The following SEMA6D variants were observed in gnomAD, a reference collection of about 807,000 sequenced individuals.
SEMA6D encodes the protein semaphorin-6D.
SEMA6D carries 35 observed loss-of-function variants against 106.6 expected under a neutral mutation model. The ratio of observed to expected loss-of-function variants is 0.33; its 90% confidence interval spans 0.25 to 0.44. The LOEUF (loss-of-function observed/expected upper bound fraction) is 0.44. Among genes scored for constraint, SEMA6D ranks in the 20% least tolerant of loss-of-function variants. The pLI is 1.00. For synonymous variants in SEMA6D, 499 were observed against 487.7 expected, an observed-to-expected ratio of 1.02 and a Z score of -0.31; for missense variants, 1,185 against 1,345.9, an observed-to-expected ratio of 0.88 and a Z score of 1.87.
intron 4 of SEMA6D, among the ~76,000 whole-genome samples, chr15:47,618,301 G>A (rs554856294): frequency 1.3e-5 from 2 of 152,208 alleles, no homozygotes; most frequent in Non-Finnish European, 2.9e-5. Context: ...CATACAATCC[G>A]AGGAGGTTTT....
In SEMA6D at chr15:47,772,465, A is replaced by T. The variant is rs1036750491; in HGVS notation, c.*680A>T. ...TATGGAGTTGTTTACATTAAGCATG[A>T]CCGAACGAGAGACAATACTATTTCC... On this transcript the variant is annotated 3_prime_UTR_variant, in exon 19 of 19. Transcript: ENST00000536845. 1.3e-5 allele frequency: 2 copies of T among 152,030 alleles called. No homozygotes were observed. Among genetic ancestry groups the T allele is most frequent in the African/African-American group, 4.9e-5 (2 of 41,182 alleles). 9.4% of individuals were successfully genotyped at this position (152,030 alleles called of 1,614,324 possible). A position where few individuals can be genotyped will look rare whatever the true frequency, so the allele number is the denominator to read the frequency against.
At chr15:47,389,323 G>T (rs2039951110) in intron 1 of SEMA6D, among the ~76,000 whole-genome samples, 1 of 152,090 alleles carries the variant, frequency 6.6e-6, no homozygotes, top group Admixed American at 6.5e-5. Context: ...GCCACCTTAA[G>T]GAGACTTTGA....
At chr15:47,540,340 GGT>G (rs1442594727) in intron 3 of SEMA6D, among the ~76,000 whole-genome samples, 1 of 152,046 alleles carries the variant, frequency 6.6e-6, no homozygotes, top group African/African-American at 2.4e-5. Context: ...AGGTTTCTAT[GGT>G]GGGCGACCTC....
At chr15:47,686,692 C>T (rs1475134356) in intron 4 of SEMA6D, among the ~76,000 whole-genome samples, 3 of 152,198 alleles carry the variant, frequency 2.0e-5, no homozygotes, top group Non-Finnish European at 4.4e-5. Flanking sequence ...ATGATCTCAT[C>T]AGCACTTCAA....
At chr15:47,662,658 A>C (rs1303769887) in intron 4 of SEMA6D, among the ~76,000 whole-genome samples, 1 of 152,118 alleles carries the variant, frequency 6.6e-6, no homozygotes, top group Non-Finnish European at 1.5e-5. Flanking sequence ...TATTTCTTCT[A>C]AACTTATACT....
intron 1 of SEMA6D, among the ~76,000 whole-genome samples, chr15:47,303,376 G>A (rs925254305): frequency 6.6e-6 from 1 of 152,192 alleles, no homozygotes; most frequent in Non-Finnish European, 1.5e-5. Context: ...TACTGTTCCA[G>A]TTTCTGGAAT....
At chr15:47,633,747 A>G (rs11638216) in intron 4 of SEMA6D, among the ~76,000 whole-genome samples, 64,822 of 151,964 alleles carry the variant, frequency 0.43, 14,673 homozygotes, top group South Asian at 0.53. Context: ...TTCTTCTGAC[A>G]TCTGAAGATA....
At chr15:47,511,744 T>C (rs2044238283) in intron 3 of SEMA6D, among the ~76,000 whole-genome samples, 1 of 152,144 alleles carries the variant, frequency 6.6e-6, no homozygotes, top group Admixed American at 6.5e-5. Flanking sequence ...TTCCAATTAA[T>C]CCTAAAATTT....
chr15:47,342,291 C>G (rs984845686), intron 1 of SEMA6D, among the ~76,000 whole-genome samples: 3 of 152,206 alleles, frequency 2.0e-5, no homozygotes. Flanking sequence ...CTGAATTCCT[C>G]TGATTGTGAG....
chr15:47,603,035 C>G (rs1566926688), intron 4 of SEMA6D, among the ~76,000 whole-genome samples: 1 of 152,126 alleles, frequency 6.6e-6, no homozygotes, highest in Non-Finnish European at 1.5e-5. Flanking sequence ...GGCACTGTGA[C>G]TAAGATTGAT....
chr15:47,249,206 C>T (rs547255183), intron 1 of SEMA6D, among the ~76,000 whole-genome samples: 8 of 152,044 alleles, frequency 5.3e-5, no homozygotes, highest in East Asian at 1.9e-4. Context: ...CCAGCCTGGG[C>T]GAGGGAGTGA....
chr15:47,758,445 G>A (rs1249751233), intron 1 of SEMA6D, among the ~76,000 whole-genome samples: 4 of 140,756 alleles, frequency 2.8e-5, no homozygotes, highest in African/African-American at 1.2e-4. Context: ...TTTTGGTTGA[G>A]GGGGGGGTGT....
intron 3 of SEMA6D, among the ~76,000 whole-genome samples, chr15:47,563,271 A>G (rs917901009): frequency 6.6e-6 from 1 of 152,206 alleles, no homozygotes; most frequent in Non-Finnish European, 1.5e-5. Context: ...CTGTTGTACA[A>G]CTTTTTAATG....
chr15:47,483,784 G>A lies in SEMA6D; in HGVS notation c.-87+13239G>A, dbSNP rs182227843. 6.6e-5 allele frequency among the ~76,000 whole-genome samples: 10 copies of A among 152,138 alleles called. 1 individual carries two copies. In the East Asian group the frequency reaches 1.9e-3, roughly 29 times the overall value. ...TCCATCTTCATGCCTATCTAAGTAAGGATCTGTTAAAAATCTCTTCATTTT... is the reference window on the plus strand; with the variant it reads ...TCCATCTTCATGCCTATCTAAGTAAAGATCTGTTAAAAATCTCTTCATTTT... On this transcript the variant is annotated intron_variant, in intron 3 of 19. Coordinates refer to the SEMA6D transcript ENST00000558014.
At chr15:47,517,240 G>T (rs1596216032) in intron 3 of SEMA6D, among the ~76,000 whole-genome samples, 1 of 152,118 alleles carries the variant, frequency 6.6e-6, no homozygotes, top group Admixed American at 6.5e-5. Context: ...ATTGTGATCA[G>T]TTACTGCTTT....
At chr15:47,527,821 T>C (rs1380347807) in intron 3 of SEMA6D, 1 of 152,156 alleles carries the variant, frequency 6.6e-6, no homozygotes, top group Non-Finnish European at 1.5e-5. Context: ...CTAACAGCTG[T>C]TTTTTCACAC....
intron 3 of SEMA6D, among the ~76,000 whole-genome samples, chr15:47,485,676 C>A (rs1203226399): frequency 6.6e-6 from 1 of 152,012 alleles, no homozygotes; most frequent in African/African-American, 2.4e-5. Flanking sequence ...TAGCAGAAAG[C>A]CCAAGAAAGC....
At chr15:47,599,011 T>C (rs1313293157) in intron 3 of SEMA6D, among the ~76,000 whole-genome samples, 2 of 152,132 alleles carry the variant, frequency 1.3e-5, no homozygotes, top group African/African-American at 4.8e-5. Flanking sequence ...AATGTGGTCA[T>C]GAGACCACCT....
intron 1 of SEMA6D, among the ~76,000 whole-genome samples, chr15:47,309,590 A>G (rs1015757363): frequency 4.6e-5 from 7 of 152,176 alleles, no homozygotes; most frequent in Non-Finnish European, 8.8e-5. Context: ...TGTATTTAGG[A>G]TGTTTTACTA....
Sources: gnomAD v4.1 joint callset for allele counts (sites outside exome capture counted in the v4.1 genomes callset) on GRCh38, gnomAD v4.1.1 for gene constraint, MANE v1.5 for transcripts, NCBI Gene and HGNC (gene_info 2026-07-23, HGNC 2026-07-21) for gene names.